HS6ST2: variants seen among roughly 807,000 people sequenced by gnomAD.
The protein encoded by HS6ST2 is heparan-sulfate 6-O-sulfotransferase 2.
In HS6ST2, 17 loss-of-function variants were observed where a neutral mutation model predicts 33.0. The observed-to-expected ratio is 0.52, with a 90% CI of 0.35 to 0.77. HS6ST2 has a LOEUF of 0.77. Ranked by LOEUF, HS6ST2 falls within the 30% of genes least tolerant of loss-of-function variation. The pLI, the probability that HS6ST2 is intolerant of heterozygous loss-of-function variation, is 0.01. For synonymous variants in HS6ST2, 248 were observed against 237.1 expected, an observed-to-expected ratio of 1.05 and a Z score of -0.42; for missense variants, 519 against 551.7, an observed-to-expected ratio of 0.94 and a Z score of 0.59.
At chrX:132,678,180 C>T (rs1431585340) in intron 3 of HS6ST2, among the ~76,000 whole-genome samples, 1 of 111,462 alleles carries the variant, frequency 9.0e-6, no homozygotes, top group African/African-American at 3.3e-5. Flanking sequence ...ATAGCAATAC[C>T]CTGTCTCTAC....
chrX:132,929,118 A>G (rs1602888977), intron 2 of HS6ST2, among the ~76,000 whole-genome samples: 1 of 111,406 alleles, frequency 9.0e-6, no homozygotes, highest in East Asian at 2.8e-4. Flanking sequence ...AAATTGAGCC[A>G]CTACAGCCCT....
chrX:132,672,447 A>C, intron 3 of HS6ST2, among the ~76,000 whole-genome samples: 1 of 111,441 alleles, frequency 9.0e-6, no homozygotes, highest in Non-Finnish European at 1.9e-5. Context: ...TTTGAATTGT[A>C]ATCTCAAACC....
chrX:132,956,722 C>A, intron 2 of HS6ST2, 86 bp downstream of exon 2: 3 of 1,048,899 alleles, frequency 2.9e-6, no homozygotes. Context: ...AGGGTGCGCG[C>A]TAGGTCCCCG....
chrX:132,628,684 T>C lies in HS6ST2; in HGVS notation c.1477A>G (p.Ile493Val). The C allele has an allele frequency of 8.3e-7, 1 of 1,211,348 alleles. No individual in the cohort carries two copies. Residue 493 changes from isoleucine (I) to valine (V), a missense_variant, in exon 5 of 5, where the codon ATT becomes GTT. Ile to Val is a conservative substitution (Grantham distance 29, BLOSUM62 3). Transcript: ENST00000370833. ...GTATTATACTGGGTAAATGGCGAAA[T>C]AAAGTTCATGTTGAAGGTTTTCTCA... ...LFEKTFNMNF[I>V]SPFTQYNTTR...
chrX:132,652,209 C>CT (rs1316016915), intron 4 of HS6ST2, among the ~76,000 whole-genome samples: 1 of 111,647 alleles, frequency 9.0e-6, no homozygotes, highest in Non-Finnish European at 1.9e-5. Context: ...TTCTCCAGCT[C>CT]TAATGATTCA....
intron 2 of HS6ST2, among the ~76,000 whole-genome samples, chrX:132,831,856 C>CAATTATGCT (rs749615536): frequency 8.9e-6 from 1 of 112,018 alleles, no homozygotes; most frequent in South Asian, 3.7e-4. Context: ...AAAAGCCTGG[C>CAATTATGCT]AATTATGCTG....
At chrX:132,779,398 T>C (rs774154749) in intron 2 of HS6ST2, among the ~76,000 whole-genome samples, 1 of 111,838 alleles carries the variant, frequency 8.9e-6, no homozygotes, top group Non-Finnish European at 1.9e-5. Context: ...GATGCAAATA[T>C]CACATTACTA....
intron 2 of HS6ST2, among the ~76,000 whole-genome samples, chrX:132,916,553 C>A (rs368028376): frequency 8.9e-6 from 1 of 111,822 alleles, no homozygotes; most frequent in Admixed American, 9.5e-5. Context: ...GTAGACCCAC[C>A]CTCAATCTGG....
At chrX:132,777,110 C>T (rs1204597722) in intron 2 of HS6ST2, among the ~76,000 whole-genome samples, 1 of 102,480 alleles carries the variant, frequency 9.8e-6, no homozygotes, top group African/African-American at 3.6e-5. Context: ...TAGGCCAGGG[C>T]CAGGCCAGGG....
chrX:132,654,881 A>G (rs1213407197), intron 4 of HS6ST2, among the ~76,000 whole-genome samples: 1 of 112,231 alleles, frequency 8.9e-6, no homozygotes, highest in Non-Finnish European at 1.9e-5. Context: ...TGGAGAGATA[A>G]GCAAACAAAG....
intron 2 of HS6ST2, among the ~76,000 whole-genome samples, chrX:132,854,166 C>T (rs1413061870): frequency 3.6e-5 from 4 of 112,477 alleles, no homozygotes; most frequent in Non-Finnish European, 3.8e-5. Flanking sequence ...TACTCTATCG[C>T]TAGTCACAAT....
At chrX:132,809,409 G>A (rs1035730398) in intron 2 of HS6ST2, among the ~76,000 whole-genome samples, 2 of 112,021 alleles carry the variant, frequency 1.8e-5, no homozygotes, top group Admixed American at 9.5e-5. Context: ...TAGATCCCAG[G>A]AATTAGCAGA....
chrX:132,783,166 T>C (rs1015353383), intron 2 of HS6ST2, among the ~76,000 whole-genome samples: 3 of 111,560 alleles, frequency 2.7e-5, no homozygotes, highest in Non-Finnish European at 5.6e-5. Context: ...AAAATTGGGA[T>C]AGTAATCATA....
At chrX:132,944,920 A>T (rs1405242365) in intron 2 of HS6ST2, among the ~76,000 whole-genome samples, 1 of 111,837 alleles carries the variant, frequency 8.9e-6, no homozygotes, top group Non-Finnish European at 1.9e-5. Context: ...AGCCTAGGCA[A>T]TACCATTCAG....
chrX:132,627,046 T>C lies in HS6ST2; in HGVS notation c.*1177A>G, dbSNP rs925664716. The C allele has an allele frequency of 1.8e-5, 2 of 112,651 alleles. No individual in the cohort carries two copies. The highest frequency in any genetic ancestry group is 6.5e-5 in the African/African-American group (2 of 30,946). The allele number at this position is 112,651 out of a possible 1,213,427, so 9.3% of individuals were successfully genotyped here. On this transcript the variant is annotated 3_prime_UTR_variant, in exon 5 of 5. Transcript: ENST00000370833. Reference sequence around the variant, plus strand: ...GCTTATTTTATCCTTTTTTGGCTTTTGTAATTGTCTACAAATCTGTCAACA... The same window carrying C: ...GCTTATTTTATCCTTTTTTGGCTTTCGTAATTGTCTACAAATCTGTCAACA...
intron 2 of HS6ST2, among the ~76,000 whole-genome samples, chrX:132,770,231 C>A (rs1355097557): frequency 9.0e-6 from 1 of 111,532 alleles, no homozygotes; most frequent in East Asian, 2.8e-4. Flanking sequence ...AACAGAAGAT[C>A]AGAGACATCA....
In HS6ST2 at chrX:132,833,430, C is replaced by T. The variant is rs776457348; in HGVS notation, c.947+123378G>A. On this transcript the variant is annotated intron_variant, in intron 2 of 4. Transcript: ENST00000370833. ...CTTGGCATGTAGTGGCTAACCTTGT[C>T]AAGGGGAAACTAGGGATCAAAAGTG... Among the ~76,000 whole-genome samples the T allele has an allele frequency of 3.6e-5, 4 of 111,685 alleles. No individual in the cohort carries two copies. The South Asian group carries it at 1.1e-3, about 32-fold the overall frequency.
chrX:132,913,421 C>T (rs1330513208), intron 2 of HS6ST2, among the ~76,000 whole-genome samples: 1 of 112,537 alleles, frequency 8.9e-6, no homozygotes, highest in Non-Finnish European at 1.9e-5. Flanking sequence ...CACTGTAACA[C>T]CCCCTCTGGG....
chrX:132,657,446 G>C (rs1159889235), intron 4 of HS6ST2, among the ~76,000 whole-genome samples: 1 of 110,252 alleles, frequency 9.1e-6, no homozygotes, highest in East Asian at 2.9e-4. Context: ...TGGGAGAAAA[G>C]GGGCAACCTC....
Sources: allele counts gnomAD v4.1 joint callset (sites outside exome capture counted in the v4.1 genomes callset), GRCh38; gene constraint gnomAD v4.1.1; transcripts MANE v1.5; gene names NCBI Gene and HGNC (gene_info 2026-07-23, HGNC 2026-07-21).